SPART: variants seen among roughly 807,000 people sequenced by gnomAD.
SPART encodes spartin.
Under a neutral mutation model 58.7 loss-of-function variants are expected in SPART, and 35 were observed. That is an observed-to-expected ratio of 0.60 (90% CI 0.46 to 0.79). The LOEUF (loss-of-function observed/expected upper bound fraction) is 0.79. Ranked by LOEUF, SPART falls within the 30% of genes least tolerant of loss-of-function variation. The probability of loss-of-function intolerance (pLI) is 0.00; values close to 1 mark genes in which losing one functional copy is unlikely to be tolerated. For synonymous variants in SPART, 284 were observed against 280.7 expected (o/e 1.01, Z -0.12); for missense variants, 730 against 786.1 (o/e 0.93, Z 0.85).
intron 1 of SPART, among the ~76,000 whole-genome samples, chr13:36,354,182 A>G (rs1885528981): frequency 6.6e-6 from 1 of 152,070 alleles, no homozygotes; most frequent in Non-Finnish European, 1.5e-5. Context: ...CTTTGTAGGT[A>G]GAGGACTATA....
At chr13:36,313,963 A>G in intron 6 of SPART, 1 of 485,654 alleles carries the variant, frequency 2.1e-6, no homozygotes, top group Non-Finnish European at 3.6e-6. Flanking sequence ...GCAAATAAGA[A>G]TCACCTAGGG....
At chr13:36,366,187 G>C (rs565437994) in intron 1 of SPART, among the ~76,000 whole-genome samples, 1 of 152,128 alleles carries the variant, frequency 6.6e-6, no homozygotes, top group Non-Finnish European at 1.5e-5. Context: ...CCTACTCAGC[G>C]CCGCCTCTCT....
intron 1 of SPART, among the ~76,000 whole-genome samples, chr13:36,362,425 G>A (rs1885901645): frequency 6.6e-6 from 1 of 151,920 alleles, no homozygotes; most frequent in Non-Finnish European, 1.5e-5. Context: ...GTGAAGGGGT[G>A]TAGCTATACC....
At chr13:36,312,640 G>T in intron 6 of SPART, 163 bp from the exon 7 acceptor site, 1 of 811,074 alleles carries the variant, frequency 1.2e-6, no homozygotes, top group Non-Finnish European at 1.9e-6. Context: ...GTCTCACTAT[G>T]TTGCCCAGGC....
At chr13:36,339,100 A>G (rs1884308483) in intron 1 of SPART, among the ~76,000 whole-genome samples, 1 of 152,166 alleles carries the variant, frequency 6.6e-6, no homozygotes, top group Non-Finnish European at 1.5e-5. Context: ...TAAAAAAAAA[A>G]ACCCTATCAT....
intron 4 of SPART, 25 bp downstream of exon 4, chr13:36,329,337 A>G (rs1213626427): frequency 1.2e-6 from 2 of 1,613,040 alleles, no homozygotes; most frequent in Non-Finnish European, 1.7e-6. Context: ...AAGACAACAC[A>G]CACACTTATT....
At chr13:36,359,421 A>T (rs947980082) in intron 1 of SPART, among the ~76,000 whole-genome samples, 1 of 152,214 alleles carries the variant, frequency 6.6e-6, no homozygotes, top group Non-Finnish European at 1.5e-5. Flanking sequence ...ACACCTTAGA[A>T]AAAAGAGTAA....
At chr13:36,358,475 A>G (rs943063375) in intron 1 of SPART, among the ~76,000 whole-genome samples, 1 of 152,232 alleles carries the variant, frequency 6.6e-6, no homozygotes, top group Non-Finnish European at 1.5e-5. Flanking sequence ...TGGCTCGAAC[A>G]ATTGGTACTG....
At chr13:36,365,234 T>C (rs1886010149) in intron 1 of SPART, among the ~76,000 whole-genome samples, 1 of 152,208 alleles carries the variant, frequency 6.6e-6, no homozygotes, top group South Asian at 2.1e-4. Context: ...GAGCAACAGA[T>C]GGTTAAAGTA....
In SPART at chr13:36,304,261, A is replaced by G; in HGVS notation, c.*104T>C. The G allele has an allele frequency of 4.4e-6, 6 of 1,352,972 alleles. No individual in the cohort carries two copies. The highest frequency in any genetic ancestry group is 5.2e-6 in the Non-Finnish European group (5 of 952,572). The allele number at this position is 1,352,972 out of a possible 1,614,324, so 83.8% of individuals were successfully genotyped here. A position where few individuals can be genotyped will look rare whatever the true frequency, so the allele number is the denominator to read the frequency against. ...AAAGTTAATTTGTAGGAATGAATAC[A>G]TTTAAAAAATACTGGTTAATCTGTG... is the stretch of plus-strand genomic sequence containing the variant. On this transcript the variant is annotated 3_prime_UTR_variant, in exon 9 of 9. Transcript: ENST00000438666.
intron 8 of SPART, among the ~76,000 whole-genome samples, chr13:36,311,116 G>A (rs192478267): frequency 6.6e-6 from 1 of 152,256 alleles, no homozygotes; most frequent in East Asian, 1.9e-4. Flanking sequence ...AGAGCCACAA[G>A]GGCATCTGCC....
At chr13:36,350,967 G>T (rs752173253), upstream of SPART, among the ~76,000 whole-genome samples, 2 of 152,010 alleles carry the variant, frequency 1.3e-5, no homozygotes, top group Non-Finnish European at 2.9e-5. Context: ...TACATACCCC[G>T]GTCAAATATT....
intron 8 of SPART, among the ~76,000 whole-genome samples, chr13:36,308,631 A>G (rs1880750483): frequency 1.1e-5 from 1 of 92,732 alleles, no homozygotes. Context: ...AATTGTAGTT[A>G]GGTAAGTTTT....
intron 1 of SPART, among the ~76,000 whole-genome samples, chr13:36,354,213 G>A (rs1036400462): frequency 6.6e-6 from 1 of 152,148 alleles, no homozygotes; most frequent in African/African-American, 2.4e-5. Flanking sequence ...CATAAAGGAG[G>A]TTTTTTTCTA....
chr13:36,320,648 T>C (rs907835029), intron 5 of SPART, among the ~76,000 whole-genome samples: 1 of 152,100 alleles, frequency 6.6e-6, no homozygotes, highest in Non-Finnish European at 1.5e-5. Context: ...GAGGATTTGC[T>C]CCCACCCAAG....
chr13:36,369,088 T>A (rs9531901), intron 1 of SPART, among the ~76,000 whole-genome samples: 1 of 152,126 alleles, frequency 6.6e-6, no homozygotes, highest in Non-Finnish European at 1.5e-5. Context: ...AGCTATTGAT[T>A]TTCTTCCAAG....
chr13:36,335,684 T>G lies in SPART; in HGVS notation c.147A>C (p.Gly49=). ...TGATCCCTCTGAGCAGGTGTCCTATTCCTTGCTTATAGTAGTTCTTTGCTT... is the reference window on the plus strand; with the variant it reads ...TGATCCCTCTGAGCAGGTGTCCTATGCCTTGCTTATAGTAGTTCTTTGCTT... ...KEEAKNYYKQ[G]IGHLLRGISI... Residue 49 remains glycine (G), a synonymous_variant, in exon 2 of 9, where the codon GGA becomes GGC. Coordinates refer to ENST00000438666, the MANE Select transcript of SPART (RefSeq NM_015087.5). 6.2e-7 allele frequency: 1 copy of G among 1,614,200 alleles called. No homozygotes were observed. Among genetic ancestry groups the G allele is most frequent in the Non-Finnish European group, 8.5e-7 (1 of 1,180,012 alleles).
intron 8 of SPART, chr13:36,308,464 A>G (rs754491243): frequency 9.9e-5 from 15 of 152,172 alleles, no homozygotes; most frequent in Non-Finnish European, 2.2e-4. Context: ...AAAGGATAAA[A>G]AGAATAGCAA....
chr13:36,339,909 A>G (rs964623640), intron 1 of SPART, among the ~76,000 whole-genome samples: 4 of 151,948 alleles, frequency 2.6e-5, no homozygotes, highest in Admixed American at 2.0e-4. Context: ...TACAAAGAAA[A>G]CATCAAAAAA....
Sources: gnomAD v4.1 joint callset for allele counts (sites outside exome capture counted in the v4.1 genomes callset) on GRCh38, gnomAD v4.1.1 for gene constraint, MANE v1.5 for transcripts, NCBI Gene and HGNC (gene_info 2026-07-23, HGNC 2026-07-21) for gene names.